The following EPB41L2 variants were observed in gnomAD, a reference collection of about 807,000 sequenced individuals.
EPB41L2 encodes the protein erythrocyte membrane protein band 4.1 like 2.
A neutral mutation model predicts 113.0 loss-of-function variants in EPB41L2; 43 were observed. The observed-to-expected ratio is 0.38, with a 90% confidence interval of 0.30 to 0.49. The LOEUF is 0.49. Among genes scored for constraint, EPB41L2 ranks in the 20% least tolerant of loss-of-function variants. The pLI is 0.95. For missense variants in EPB41L2, 1,147 were observed against 1,223.4 expected (o/e 0.94, Z 0.93); for synonymous variants, 442 against 436.7 (o/e 1.01, Z -0.15).
At chr6:131,062,534 G>A (rs867073711) in intron 1 of EPB41L2, 2 of 151,544 alleles carry the variant, frequency 1.3e-5, no homozygotes, top group East Asian at 2.0e-4. Flanking sequence ...GCAGCTGGGG[G>A]CGCGGACGCG....
rs1582806431 is a variant in EPB41L2 at position 130,863,517 on chromosome 6, G to T, written c.2910+121C>A. ...CTGTGTCTTTATGTCCTGCTTAGGA[G>T]GTGGACTTCATCCAGGAGGTTTGGG... On this transcript the variant is annotated intron_variant, in intron 18 of 19. Transcript: ENST00000337057. The T allele has an allele frequency of 7.6e-6, 5 of 657,506 alleles. No homozygotes were observed. In the East Asian group the frequency reaches 1.4e-4, roughly 18 times the overall value. The allele number at this position is 657,506 out of a possible 1,614,324, so 40.7% of individuals were successfully genotyped here.
chr6:130,904,479 A>G lies in EPB41L2; in HGVS notation c.915T>C (p.Thr305=), dbSNP rs750509276. 2 of 1,592,584 alleles carry G rather than the reference A, an allele frequency of 1.3e-6. No individual in the cohort carries two copies. The highest frequency in any genetic ancestry group is 2.3e-5 in the South Asian group (2 of 88,002). Residue 305 remains threonine, a synonymous_variant, in exon 6 of 20, where the codon ACT becomes ACC. Coordinates refer to ENST00000337057, the MANE Select transcript of EPB41L2 (RefSeq NM_001431.4). ...KFYPPDPSQL[T]EDITRYFLCL... ...ATATAAAGTACCTGGTGATATCTTC[A>G]GTCAATTGAGAAGGATCAGGAGGAT... is the stretch of plus-strand genomic sequence containing the variant.
At chr6:131,003,903 A>G (rs1238324188) in intron 1 of EPB41L2, among the ~76,000 whole-genome samples, 1 of 152,242 alleles carries the variant, frequency 6.6e-6, no homozygotes, top group Non-Finnish European at 1.5e-5. Context: ...TGCAGCTTGC[A>G]GCTTGAATCT....
At chr6:130,905,232 C>G (rs745427902) in intron 5 of EPB41L2, among the ~76,000 whole-genome samples, 1 of 151,750 alleles carries the variant, frequency 6.6e-6, no homozygotes, top group African/African-American at 2.4e-5. Context: ...GCTATTTATA[C>G]GTAAAATTTA....
At chr6:130,998,920 G>A (rs1280467964) in intron 1 of EPB41L2, among the ~76,000 whole-genome samples, 2 of 151,970 alleles carry the variant, frequency 1.3e-5, no homozygotes, top group South Asian at 2.1e-4. Context: ...CTTCTACCTC[G>A]AATAGAGTCC....
At chr6:130,907,123 C>T (rs555623968) in intron 5 of EPB41L2, among the ~76,000 whole-genome samples, 47 of 152,006 alleles carry the variant, frequency 3.1e-4, no homozygotes, top group African/African-American at 9.6e-4. Context: ...CCAAACAAAA[C>T]CATAGGAAAC....
rs564112150 is a variant in EPB41L2 at position 131,043,979 on chromosome 6, C to T, written c.-15+19176G>A. ...AGGAACGGGGAATCAATATGCTATTCAGTTTAGTTTTGTATATATTTAAAA... is the reference window on the plus strand; with the variant it reads ...AGGAACGGGGAATCAATATGCTATTTAGTTTAGTTTTGTATATATTTAAAA... On this transcript the variant is annotated intron_variant, in intron 1 of 19. Transcript: ENST00000337057. Among the ~76,000 whole-genome samples, 29 of 149,008 alleles carry T rather than the reference C, an allele frequency of 1.9e-4. 1 individual carries two copies. Among genetic ancestry groups the T allele is most frequent in the African/African-American group, 7.1e-4 (29 of 40,586 alleles).
chr6:131,004,370 T>A (rs901175063), intron 1 of EPB41L2, among the ~76,000 whole-genome samples: 9 of 152,168 alleles, frequency 5.9e-5, no homozygotes, highest in Admixed American at 5.9e-4. Flanking sequence ...GCAGGTAGAA[T>A]AACAGTTTCT....
intron 4 of EPB41L2, among the ~76,000 whole-genome samples, chr6:130,924,346 A>G (rs1289219549): frequency 2.0e-5 from 3 of 151,786 alleles, no homozygotes; most frequent in Non-Finnish European, 4.4e-5. Context: ...ATTATTTTGT[A>G]TATATACTCA....
intron 1 of EPB41L2, among the ~76,000 whole-genome samples, chr6:130,979,492 CAAAAA>C (rs34912861): frequency 2.3e-5 from 2 of 85,316 alleles, no homozygotes; most frequent in Admixed American, 1.3e-4. Context: ...GAGACTCTGT[CAAAAA>C]AAAAAAAAAA....
At chr6:130,959,909 C>T (rs989675931) in intron 1 of EPB41L2, among the ~76,000 whole-genome samples, 3 of 152,200 alleles carry the variant, frequency 2.0e-5, no homozygotes, top group Non-Finnish European at 4.4e-5. Flanking sequence ...AACCAATCAA[C>T]TAAGGCTGAT....
intron 14 of EPB41L2, among the ~76,000 whole-genome samples, chr6:130,875,984 C>CA (rs11452626): frequency 0.47 from 59,930 of 128,236 alleles, 14,147 homozygotes; most frequent in South Asian, 0.54. Flanking sequence ...GAGTGCATCT[C>CA]AAAAAAAAAA....
intron 3 of EPB41L2, among the ~76,000 whole-genome samples, chr6:130,935,080 T>C (rs934288977): frequency 6.6e-6 from 1 of 152,112 alleles, no homozygotes; most frequent in Admixed American, 6.5e-5. Context: ...TTGGGGGAAT[T>C]TTGCAGTGTT....
At chr6:131,004,540 A>G (rs968460151) in intron 1 of EPB41L2, among the ~76,000 whole-genome samples, 1 of 152,172 alleles carries the variant, frequency 6.6e-6, no homozygotes, top group Non-Finnish European at 1.5e-5. Context: ...AAATCCTAAC[A>G]ACACTTCTAA....
intron 10 of EPB41L2, among the ~76,000 whole-genome samples, chr6:130,893,846 G>T (rs950264475): frequency 5.3e-5 from 8 of 152,188 alleles, no homozygotes; most frequent in Non-Finnish European, 8.8e-5. Flanking sequence ...TGGGAAAGAA[G>T]TTAAGTCAGG....
At chr6:130,933,479 C>T (rs1283399643) in intron 3 of EPB41L2, among the ~76,000 whole-genome samples, 4 of 152,086 alleles carry the variant, frequency 2.6e-5, no homozygotes, top group African/African-American at 4.8e-5. Flanking sequence ...ATAAAGTTAA[C>T]GGGTTGAAAA....
chr6:130,860,125 C>T (rs941206694), intron 18 of EPB41L2, among the ~76,000 whole-genome samples: 1 of 152,184 alleles, frequency 6.6e-6, no homozygotes, highest in African/African-American at 2.4e-5. Context: ...TGGAATGATC[C>T]AAGCCATTTA....
At chr6:131,023,739 CTA>C (rs201216677) in intron 1 of EPB41L2, among the ~76,000 whole-genome samples, 2 of 138,840 alleles carry the variant, frequency 1.4e-5, no homozygotes, top group Non-Finnish European at 3.1e-5. Context: ...GTATATATAT[CTA>C]TATATCTATA....
chr6:131,024,714 A>G (rs1285677115), intron 1 of EPB41L2, among the ~76,000 whole-genome samples: 1 of 152,182 alleles, frequency 6.6e-6, no homozygotes, highest in Non-Finnish European at 1.5e-5. Context: ...ACTAGGTGTT[A>G]TACTAAACAC....
Sources: gnomAD v4.1 joint callset for allele counts (sites outside exome capture counted in the v4.1 genomes callset) on GRCh38, gnomAD v4.1.1 for gene constraint, MANE v1.5 for transcripts, NCBI Gene and HGNC (gene_info 2026-07-23, HGNC 2026-07-21) for gene names.